The following FKBP4 variants were observed in gnomAD, a reference collection of about 807,000 sequenced individuals.
The protein encoded by FKBP4 is peptidyl-prolyl cis-trans isomerase FKBP4.
Under a neutral mutation model 54.1 loss-of-function variants are expected in FKBP4, and 28 were observed. The observed-to-expected ratio is 0.52, with a 90% confidence interval of 0.38 to 0.71. FKBP4 has a LOEUF of 0.71. FKBP4 is among the 30% of genes least tolerant of loss of function. FKBP4 has a pLI of 0.00. For missense variants in FKBP4, 493 were observed against 574.4 expected (o/e 0.86, Z 1.45); for synonymous variants, 223 against 216.1 (o/e 1.03, Z -0.28).
At position 2,796,658 on chromosome 12, in the gene FKBP4, T is replaced by C. The variant is rs2097902032; in HGVS notation, c.106-480T>C. On this transcript the variant is annotated intron_variant, in intron 1 of 9. Coordinates refer to ENST00000001008, the MANE Select transcript of FKBP4 (RefSeq NM_002014.4). ...GAACTGTTTCTATTCTCTTCACTCA[T>C]ACTCCTCTCGCTCTCCTGTCTCCAA... 6.3e-6 allele frequency: 7 copies of C among 1,103,266 alleles called. No homozygotes were observed. In the South Asian group the frequency reaches 1.1e-4, roughly 18 times the overall value. 68.3% of individuals were successfully genotyped at this position (1,103,266 alleles called of 1,614,324 possible).
chr12:2,801,792 A>G (rs1275945444), intron 9 of FKBP4: 2 of 339,452 alleles, frequency 5.9e-6, no homozygotes, highest in Non-Finnish European at 1.2e-5. Flanking sequence ...GTGTGATTAA[A>G]TAAATAATAC....
At position 2,804,906 on chromosome 12, in the gene FKBP4, C is replaced by A; in HGVS notation, c.*1648C>A. ...CGCCAGCCTGGGCAAGAGAGTGAGA[C>A]CATCTCTTTTTTAAAAAAGTCCCTG... On this transcript the variant is annotated 3_prime_UTR_variant, in exon 10 of 10. Transcript: ENST00000001008. 4.4e-6 allele frequency: 1 copy of A among 226,164 alleles called. No homozygotes were observed. 14.0% of individuals were successfully genotyped at this position (226,164 alleles called of 1,614,324 possible).
Position 2,800,090 on chromosome 12 carries a change from A to C in FKBP4, c.814A>C (p.Ile272Leu). The change falls in exon 7 of 10, where the codon ATA becomes CTA. Residue 272 changes from isoleucine (I) to leucine (L), a missense_variant. Coordinates refer to ENST00000001008, the MANE Select transcript of FKBP4 (RefSeq NM_002014.4). Reference sequence around the variant, plus strand: ...AGAAGAGAAGCTGGAACAGAGCACCATAGTGAAAGAGCGGGGCACTGTGTA... The same window carrying C: ...AGAAGAGAAGCTGGAACAGAGCACCCTAGTGAAAGAGCGGGGCACTGTGTA... ...NSEEKLEQST[I>L]VKERGTVYFK... The C allele has an allele frequency of 6.2e-7, 1 of 1,613,902 alleles. No individual in the cohort carries two copies. The highest frequency in any genetic ancestry group is 8.5e-7 in the Non-Finnish European group (1 of 1,180,040).
At chr12:2,801,615 G>A (rs1271445900) in intron 9 of FKBP4, 13 of 565,896 alleles carry the variant, frequency 2.3e-5, no homozygotes, top group Middle Eastern at 5.5e-4. Flanking sequence ...TGGGCCAGGC[G>A]CCGTGGCTCA....
chr12:2,797,103 C>G (rs564933913), intron 1 of FKBP4, 35 bp from the exon 2 acceptor site: 3 of 1,611,014 alleles, frequency 1.9e-6, no homozygotes, highest in Non-Finnish European at 2.5e-6. Context: ...CTGCCCCAAA[C>G]CCTGGGGTAC....
intron 2 of FKBP4, 43 bp downstream of exon 2, chr12:2,797,325 C>T (rs1190175559): frequency 2.5e-6 from 4 of 1,604,030 alleles, no homozygotes; most frequent in Non-Finnish European, 3.4e-6. Context: ...TCGAGGTGGA[C>T]ACAAGCTGTC....
At chr12:2,797,678 C>A in intron 2 of FKBP4, 51 bp from the exon 3 acceptor site, 1 of 1,563,860 alleles carries the variant, frequency 6.4e-7, no homozygotes. Context: ...ACTGTTTGAG[C>A]CCAGAATCAG....
Position 2,805,051 on chromosome 12 carries a change from C to G in FKBP4, c.*1793C>G, listed in dbSNP as rs2097906760. 3.0e-6 allele frequency: 1 copy of G among 329,902 alleles called. No homozygotes were observed. The highest frequency in any genetic ancestry group is 6.0e-6 in the Non-Finnish European group (1 of 167,180). The allele number at this position is 329,902 out of a possible 1,614,324, so 20.4% of individuals were successfully genotyped here. Reference sequence around the variant, plus strand: ...TTACGCCTGCAGCCAACAATAATCACTAACTCAAGCATTTATGGAGTAAGC... The same window carrying G: ...TTACGCCTGCAGCCAACAATAATCAGTAACTCAAGCATTTATGGAGTAAGC... On this transcript the variant is annotated 3_prime_UTR_variant, in exon 10 of 10. Coordinates refer to ENST00000001008, the MANE Select transcript of FKBP4 (RefSeq NM_002014.4).
Position 2,795,087 on chromosome 12 carries a change from A to T in FKBP4, c.-53A>T, listed in dbSNP as rs562954689. ...CAGGTAGCGCCCCCGCCCGCGGCCC[A>T]GAGTGCGCTCGCGCCGGCACCAGCT... On this transcript the variant is annotated 5_prime_UTR_variant, in exon 1 of 10. Coordinates refer to ENST00000001008, the MANE Select transcript of FKBP4 (RefSeq NM_002014.4). This position sits in a 1 kb window ranked among gnomAD's most constrained non-coding sequence, Gnocchi z 4.3. 318 of 1,157,450 alleles carry T rather than the reference A, an allele frequency of 2.7e-4. 2 individuals carry two copies. The East Asian group carries it at 0.01, about 37-fold the overall frequency. 71.7% of individuals were successfully genotyped at this position (1,157,450 alleles called of 1,614,324 possible). A position where few individuals can be genotyped will look rare whatever the true frequency, so the allele number is the denominator to read the frequency against.
chr12:2,801,141 G>A lies in FKBP4; in HGVS notation c.1057G>A (p.Glu353Lys). 6.2e-7 allele frequency: 1 copy of A among 1,613,878 alleles called. No individual in the cohort carries two copies. The highest frequency in any genetic ancestry group is 8.5e-7 in the Non-Finnish European group (1 of 1,179,892). Residue 353 changes from glutamate (E) to lysine (K), a missense_variant, in exon 9 of 10, where the codon GAG becomes AAG. By Grantham distance (56) the Glu-to-Lys change is moderately conservative. Transcript: ENST00000001008. ...NKALELDSNN[E>K]KGLFRRGEAH... ...GGCCCTAGAACTGGACAGCAACAAC[G>A]AGAAGGGCCTCTTCCGCCGGGGAGA... is the stretch of plus-strand genomic sequence containing the variant.
intron 2 of FKBP4, 113 bp downstream of exon 2, chr12:2,797,395 T>C: frequency 7.8e-7 from 1 of 1,275,128 alleles, no homozygotes; most frequent in Admixed American, 2.2e-5. Flanking sequence ...TCACAGTCTG[T>C]TAACTCTTTC....
intron 5 of FKBP4, 75 bp downstream of exon 5, chr12:2,799,319 A>C (rs1203573993): frequency 3.5e-6 from 5 of 1,424,360 alleles, no homozygotes; most frequent in Non-Finnish European, 4.6e-6. Context: ...TTGTAGAACC[A>C]GCTGTTTGTA....
chr12:2,795,861 C>G lies in FKBP4; in HGVS notation c.105+617C>G, dbSNP rs1416551691. On this transcript the variant is annotated intron_variant, in intron 1 of 9. Coordinates refer to ENST00000001008, the MANE Select transcript of FKBP4 (RefSeq NM_002014.4). This position sits in a 1 kb window ranked among gnomAD's most constrained non-coding sequence, Gnocchi z 4.3. ...GCCGGGACCCAGCGAGGTCCCCACT[C>G]GCCGCGCGGCGCCCCCTCCCTCGGC... The G allele has an allele frequency of 1.3e-6, 1 of 771,424 alleles. No individual in the cohort carries two copies. Among genetic ancestry groups the G allele is most frequent in the Non-Finnish European group, 1.6e-6 (1 of 633,200 alleles). The allele number at this position is 771,424 out of a possible 1,614,324, so 47.8% of individuals were successfully genotyped here.
rs1235802424 is a variant in FKBP4 at position 2,804,515 on chromosome 12, C to G, written c.*1257C>G. 1 of 152,246 alleles carries G rather than the reference C, an allele frequency of 6.6e-6. No homozygotes were observed. The highest frequency in any genetic ancestry group is 1.9e-4 in the East Asian group (1 of 5,200). 9.4% of individuals were successfully genotyped at this position (152,246 alleles called of 1,614,324 possible). On this transcript the variant is annotated 3_prime_UTR_variant, in exon 10 of 10. Coordinates refer to ENST00000001008, the MANE Select transcript of FKBP4 (RefSeq NM_002014.4). ...TCTAACTATGCTTTGACCCTTAACT[C>G]CTATGGCATGATGGGGCCCTGGGAG... is the stretch of plus-strand genomic sequence containing the variant.
rs200923951 is a variant in FKBP4, at chr12:2,798,741, G to A, written c.429G>A (p.Thr143=). ...ELFEFKGEDL[T]EEEDGGIIRR... is the part of the protein sequence containing the mutation. ...TTGAGTTTAAGGGAGAAGATCTGAC[G>A]GAAGAGGAAGATGGCGGAATCATTC... The change falls in exon 4 of 10, where the codon ACG becomes ACA. Residue 143 remains threonine, a synonymous_variant. Coordinates refer to ENST00000001008, the MANE Select transcript of FKBP4 (RefSeq NM_002014.4). This position sits in a 1 kb window ranked among gnomAD's most constrained non-coding sequence, Gnocchi z 4.3. The A allele has an allele frequency of 2.4e-4, 393 of 1,614,052 alleles. No individual in the cohort carries two copies. The highest frequency in any genetic ancestry group is 5.0e-4 in the Middle Eastern group (3 of 5,972).
At position 2,795,033 on chromosome 12, in the gene FKBP4, C is replaced by T. The variant is rs1456899232; in HGVS notation, c.-107C>T. The T allele has an allele frequency of 5.3e-6, 3 of 568,656 alleles. No homozygotes were observed. The highest frequency in any genetic ancestry group is 7.6e-6 in the Non-Finnish European group (3 of 393,748). The allele number at this position is 568,656 out of a possible 1,614,324, so 35.2% of individuals were successfully genotyped here. A position where few individuals can be genotyped will look rare whatever the true frequency, so the allele number is the denominator to read the frequency against. ...GCCTCCTCGCGGTCCGCAGTCAGTG[C>T]CGCCGCGCCCGGCCTCCCGCACGCC... On this transcript the variant is annotated 5_prime_UTR_variant, in exon 1 of 10. Transcript: ENST00000001008. The surrounding 1 kb of genome is among the most constrained non-coding windows in gnomAD (Gnocchi z 4.3).
intron 1 of FKBP4, chr12:2,796,207 C>T (rs2097901756): frequency 3.9e-6 from 5 of 1,287,412 alleles, no homozygotes; most frequent in South Asian, 3.7e-5. Flanking sequence ...TCCGCGTGTG[C>T]GGCACCCACC....
chr12:2,801,102 C>T lies in FKBP4; in HGVS notation c.1033-15C>T. 1 of 1,613,450 alleles carries T rather than the reference C, an allele frequency of 6.2e-7. No individual in the cohort carries two copies. ...CTGAGCTCCCACAATGTGGCTTCCTCTCTGCATTCTTTAGGCCCTAGAACT... is the reference window on the plus strand; with the variant it reads ...CTGAGCTCCCACAATGTGGCTTCCTTTCTGCATTCTTTAGGCCCTAGAACT... On this transcript the variant is annotated splice_polypyrimidine_tract_variant and intron_variant, in intron 8 of 9. Coordinates refer to ENST00000001008, the MANE Select transcript of FKBP4 (RefSeq NM_002014.4).
chr12:2,795,132 G>A lies in FKBP4; in HGVS notation c.-8G>A. 2 of 1,299,406 alleles carry A rather than the reference G, an allele frequency of 1.5e-6. No homozygotes were observed. Among genetic ancestry groups the A allele is most frequent in the Non-Finnish European group, 2.0e-6 (2 of 1,014,072 alleles). 80.5% of individuals were successfully genotyped at this position (1,299,406 alleles called of 1,614,324 possible). A position where few individuals can be genotyped will look rare whatever the true frequency, so the allele number is the denominator to read the frequency against. ...CCAGCTCCCGGATAAACGGCGCGCC[G>A]CGCGGAGATGACAGCCGAGGAGATG... is the stretch of plus-strand genomic sequence containing the variant. On this transcript the variant is annotated 5_prime_UTR_variant, in exon 1 of 10. Coordinates refer to ENST00000001008, the MANE Select transcript of FKBP4 (RefSeq NM_002014.4). The surrounding 1 kb of genome is among the most constrained non-coding windows in gnomAD (Gnocchi z 4.3).
Sources: gnomAD v4.1 joint callset for allele counts on GRCh38, gnomAD v4.1.1 for gene constraint, Gnocchi (gnomAD v3.1) non-coding constraint, MANE v1.5 for transcripts, NCBI Gene and HGNC (gene_info 2026-07-23, HGNC 2026-07-21) for gene names.